The following SF3B3 variants were observed in gnomAD, a reference collection of about 807,000 sequenced individuals.
SF3B3 encodes SAP 130.
A neutral mutation model predicts 139.2 loss-of-function variants in SF3B3; 33 were observed. The ratio of observed to expected loss-of-function variants is 0.24; its 90% CI spans 0.18 to 0.32. The LOEUF (loss-of-function observed/expected upper bound fraction) is 0.32, where lower values mean the gene tolerates loss of function less well. SF3B3 is among the 10% of genes least tolerant of loss of function. SF3B3 has a pLI of 1.00. For missense variants in SF3B3, 818 were observed against 1,509.4 expected (o/e 0.54, Z 7.59); for synonymous variants, 596 against 563.6 (o/e 1.06, Z -0.81).
chr16:70,567,368 G>T (rs2050486596), intron 20 of SF3B3, 43 bp from the exon 21 acceptor site: 1 of 1,584,046 alleles, frequency 6.3e-7, no homozygotes, highest in Non-Finnish European at 8.6e-7. Flanking sequence ...CCTGTGTCTG[G>T]CTGGCATTTA....
At chr16:70,527,653 G>A (rs2050077049) in intron 2 of SF3B3, among the ~76,000 whole-genome samples, 1 of 152,188 alleles carries the variant, frequency 6.6e-6, no homozygotes, top group South Asian at 2.1e-4. Context: ...ATGGGAATTT[G>A]GAGATTTGTG....
rs944502567 is a variant in SF3B3 at position 70,531,005 on chromosome 16, C to T, written c.570+88C>T. 2.4e-5 allele frequency: 29 copies of T among 1,202,096 alleles called. No homozygotes were observed. The East Asian group carries it at 5.2e-4, about 22-fold the overall frequency. 74.5% of individuals were successfully genotyped at this position (1,202,096 alleles called of 1,614,324 possible). On this transcript the variant is annotated intron_variant, in intron 4 of 25. Coordinates refer to ENST00000302516, the MANE Select transcript of SF3B3 (RefSeq NM_012426.5). ...TTTTCCGGCCGGGCGTGGTGGCTCACGCCTGTAATCCCAGCACTTTGGGAG... is the reference window on the plus strand; with the variant it reads ...TTTTCCGGCCGGGCGTGGTGGCTCATGCCTGTAATCCCAGCACTTTGGGAG...
chr16:70,528,936 C>G lies in SF3B3; in HGVS notation c.134C>G (p.Pro45Arg), dbSNP rs2050093543. 6.2e-7 allele frequency: 1 copy of G among 1,614,108 alleles called. No individual in the cohort carries two copies. The highest frequency in any genetic ancestry group is 8.5e-7 in the Non-Finnish European group (1 of 1,180,004). The change falls in exon 3 of 26, where the codon CCC becomes CGC. Residue 45 changes from proline (P) to arginine (R), a missense_variant. Physicochemically the swap from Pro to Arg is moderately radical, Grantham distance 103. Transcript: ENST00000302516. ...GKILELLRPD[P>R]NTGKVHTLLT... ...ATCTTGGAGCTGCTTCGCCCAGACC[C>G]CAACACTGGCAAAGTACATACCCTA... is the stretch of plus-strand genomic sequence containing the variant.
intron 14 of SF3B3, 69 bp downstream of exon 14, chr16:70,556,403 T>C: frequency 1.3e-6 from 2 of 1,548,842 alleles, no homozygotes; most frequent in Non-Finnish European, 1.8e-6. Context: ...GATGTCTATC[T>C]CTGAGATCCA....
rs753263989 is a variant in SF3B3, at chr16:70,567,530, G to T, written c.2946G>T (p.Glu982Asp). The change falls in exon 21 of 26, where the codon GAG becomes GAT. Residue 982 changes from glutamate to aspartate, a missense_variant. Physicochemically the swap from Glu to Asp is conservative, Grantham distance 45. This residue lies in a region of SF3B3 where 145 missense variants were observed against 153.6 expected (regional missense o/e 0.94). Transcript: ENST00000302516. ...LGKKKLLRKC[E>D]NKHIANYISG... The stretch of plus-strand genomic sequence containing the variant: ...AGAAGAAGTTACTCCGAAAATGTGA[G>T]AATAAGGTAAGTGTGCTGGCATTGG... The T allele has an allele frequency of 1.9e-6, 3 of 1,613,414 alleles. No homozygotes were observed. The highest frequency in any genetic ancestry group is 2.5e-6 in the Non-Finnish European group (3 of 1,179,710).
chr16:70,576,474 G>A lies in SF3B3; in HGVS notation c.*4661G>A, dbSNP rs1438665062. 1 of 152,176 alleles carries A rather than the reference G, an allele frequency of 6.6e-6. No individual in the cohort carries two copies. The highest frequency in any genetic ancestry group is 1.5e-5 in the Non-Finnish European group (1 of 68,046). The allele number at this position is 152,176 out of a possible 1,614,324, so 9.4% of individuals were successfully genotyped here. A position where few individuals can be genotyped will look rare whatever the true frequency, so the allele number is the denominator to read the frequency against. ...CTGCAGTCTCATAATGAAAGGAGAGGTGCTTTCAGTTGGGTCATTTGGTAG... is the reference window on the plus strand; with the variant it reads ...CTGCAGTCTCATAATGAAAGGAGAGATGCTTTCAGTTGGGTCATTTGGTAG... On this transcript the variant is annotated 3_prime_UTR_variant, in exon 26 of 26. Transcript: ENST00000302516.
rs767332302 is a variant in SF3B3, at chr16:70,541,854, C to G, written c.1233+20C>G. On this transcript the variant is annotated intron_variant, in intron 9 of 25. Coordinates refer to ENST00000302516, the MANE Select transcript of SF3B3 (RefSeq NM_012426.5). Reference sequence around the variant, plus strand: ...TGCCAGGTTGGTGGGCCTTTCCAGCCCCTTCCACAATAGATCTAAAGTTAA... The same window carrying G: ...TGCCAGGTTGGTGGGCCTTTCCAGCGCCTTCCACAATAGATCTAAAGTTAA... 1 of 1,605,556 alleles carries G rather than the reference C, an allele frequency of 6.2e-7. No homozygotes were observed. Among genetic ancestry groups the G allele is most frequent in the Non-Finnish European group, 8.5e-7 (1 of 1,174,608 alleles).
chr16:70,566,145 C>T (rs1222795019), intron 20 of SF3B3, among the ~76,000 whole-genome samples: 1 of 151,600 alleles, frequency 6.6e-6, no homozygotes, highest in African/African-American at 2.4e-5. Flanking sequence ...TATTCTTTTC[C>T]ACCTGCATTC....
intron 11 of SF3B3, among the ~76,000 whole-genome samples, chr16:70,552,160 G>C (rs1468350463): frequency 6.6e-6 from 1 of 152,146 alleles, no homozygotes; most frequent in African/African-American, 2.4e-5. Flanking sequence ...AAAGTTGTGT[G>C]GTCTGTCTTT....
rs1389881076 is a variant in SF3B3, at chr16:70,538,337, C to T, written c.840C>T (p.Asp280=). 1.2e-6 allele frequency: 2 copies of T among 1,613,892 alleles called. No individual in the cohort carries two copies. The highest frequency in any genetic ancestry group is 1.7e-6 in the Non-Finnish European group (2 of 1,179,836). Residue 280 remains aspartate (D), a synonymous_variant, in exon 7 of 26, where the codon GAC becomes GAT. Coordinates refer to ENST00000302516, the MANE Select transcript of SF3B3 (RefSeq NM_012426.5). Reference sequence around the variant, plus strand: ...GACTTTGCTAGAATGACCTGGATGACCCTGAAAGAGGAATGATTTTTGTCT... The same window carrying T: ...GACTTTGCTAGAATGACCTGGATGATCCTGAAAGAGGAATGATTTTTGTCT... ...PIPRRRNDLD[D]PERGMIFVCS... is the part of the protein sequence containing the mutation.
chr16:70,535,621 A>G (rs1301493262), intron 6 of SF3B3, among the ~76,000 whole-genome samples: 1 of 152,196 alleles, frequency 6.6e-6, no homozygotes, highest in Non-Finnish European at 1.5e-5. Context: ...TTAGAAAGGG[A>G]ATTAAAACTA....
chr16:70,539,504 C>T (rs999087279), intron 8 of SF3B3, among the ~76,000 whole-genome samples: 4 of 151,954 alleles, frequency 2.6e-5, no homozygotes, highest in Non-Finnish European at 4.4e-5. Flanking sequence ...GCTGAGATCA[C>T]GCCACTGCAC....
intron 10 of SF3B3, among the ~76,000 whole-genome samples, chr16:70,546,050 A>G (rs375951127): frequency 3.3e-5 from 5 of 152,154 alleles, no homozygotes; most frequent in African/African-American, 9.7e-5. Context: ...GTAGCCTCCA[A>G]CGCCCAGTCT....
intron 24 of SF3B3, among the ~76,000 whole-genome samples, chr16:70,570,773 A>G (rs1182138055): frequency 6.6e-6 from 1 of 152,170 alleles, no homozygotes; most frequent in Admixed American, 6.5e-5. Context: ...TGGGGCACAC[A>G]CTGCCATATG....
chr16:70,560,786 G>A (rs1052532204), intron 16 of SF3B3, among the ~76,000 whole-genome samples, 195 bp downstream of exon 16: 1 of 152,138 alleles, frequency 6.6e-6, no homozygotes, highest in African/African-American at 2.4e-5. Context: ...TCATGATTTG[G>A]TTATAGCTGG....
chr16:70,567,638 G>T, intron 21 of SF3B3, 102 bp downstream of exon 21: 1 of 1,359,740 alleles, frequency 7.4e-7, no homozygotes, highest in Non-Finnish European at 9.9e-7. Context: ...TCTTTATTAG[G>T]ACTTGTTGTG....
intron 18 of SF3B3, 48 bp from the exon 19 acceptor site, chr16:70,565,017 C>G: frequency 6.3e-7 from 1 of 1,578,282 alleles, no homozygotes; most frequent in East Asian, 2.2e-5. Context: ...CTCAGCCAGC[C>G]CCTACCTCTG....
At chr16:70,558,945 C>T (rs898664750) in intron 15 of SF3B3, among the ~76,000 whole-genome samples, 4 of 152,182 alleles carry the variant, frequency 2.6e-5, no homozygotes, top group Admixed American at 2.0e-4. Flanking sequence ...GCTATAGTAT[C>T]GGATATTGCA....
intron 10 of SF3B3, among the ~76,000 whole-genome samples, chr16:70,545,943 A>G (rs112750736): frequency 3.3e-5 from 5 of 152,172 alleles, no homozygotes; most frequent in African/African-American, 1.2e-4. Context: ...TCAATGACTC[A>G]GACCCAATTT....
Sources: gnomAD v4.1 joint callset for allele counts (sites outside exome capture counted in the v4.1 genomes callset) on GRCh38, gnomAD v4.1.1 for gene constraint, gnomAD v4.1.1 regional missense constraint, MANE v1.5 for transcripts, NCBI Gene and HGNC (gene_info 2026-07-23, HGNC 2026-07-21) for gene names.